PDS5B: variants seen among roughly 807,000 people sequenced by gnomAD.
PDS5B encodes PDS5 cohesin associated factor B, also known as sister chromatid cohesion protein PDS5 homolog B.
In PDS5B, 51 loss-of-function variants were observed where a neutral mutation model predicts 184.1. The ratio of observed to expected loss-of-function variants is 0.28; its 90% CI spans 0.22 to 0.35. The LOEUF (loss-of-function observed/expected upper bound fraction) is 0.35, where lower values mean the gene tolerates loss of function less well. Ranked by LOEUF, PDS5B falls within the 10% of genes least tolerant of loss-of-function variation. PDS5B has a pLI of 1.00. For synonymous variants in PDS5B, 566 were observed against 569.2 expected (o/e 0.99, Z 0.08); for missense variants, 1,180 against 1,723.3 (o/e 0.68, Z 5.58).
At chr13:32,758,424 T>C in intron 27 of PDS5B, 110 bp from the exon 28 acceptor site, 1 of 1,130,748 alleles carries the variant, frequency 8.8e-7, no homozygotes, top group Non-Finnish European at 1.3e-6. Flanking sequence ...AGACTGTTGC[T>C]TTCATTAGTT....
At position 32,651,812 on chromosome 13, in the gene PDS5B, G is replaced by A. The variant is rs770353298; in HGVS notation, c.117G>A (p.Val39=). Residue 39 remains valine (V), a synonymous_variant, in exon 3 of 35, where the codon GTG becomes GTA. Coordinates refer to ENST00000315596, the MANE Select transcript of PDS5B (RefSeq NM_015032.4). ...TTTTTATTTTTGTATAGATGGTTGT[G>A]AAAACTTTTATGGATATGGACCAGG... The part of the protein sequence containing the change: ...EEMVRRLKMV[V]KTFMDMDQDS... 6.3e-6 allele frequency: 10 copies of A among 1,599,030 alleles called. No homozygotes were observed. In the South Asian group the frequency reaches 1.0e-4, roughly 16 times the overall value.
intron 14 of PDS5B, among the ~76,000 whole-genome samples, chr13:32,695,512 A>G (rs1320901661): frequency 6.6e-6 from 1 of 151,938 alleles, no homozygotes; most frequent in African/African-American, 2.4e-5. Flanking sequence ...GGAGCTCTGT[A>G]TATTTACCTC....
intron 6 of PDS5B, among the ~76,000 whole-genome samples, chr13:32,666,375 A>T (rs973357174): frequency 6.6e-5 from 10 of 152,174 alleles, no homozygotes; most frequent in African/African-American, 2.4e-4. Context: ...CACAGTGCCC[A>T]TCCTCTTTCT....
At chr13:32,745,489 G>A (rs191141592) in intron 23 of PDS5B, among the ~76,000 whole-genome samples, 2 of 152,314 alleles carry the variant, frequency 1.3e-5, no homozygotes, top group Admixed American at 1.3e-4. Context: ...GCATAATATG[G>A]TGTTCAGTAT....
chr13:32,674,432 C>A (rs1361997461), intron 8 of PDS5B, among the ~76,000 whole-genome samples: 1 of 152,066 alleles, frequency 6.6e-6, no homozygotes, highest in African/African-American at 2.4e-5. Flanking sequence ...AATTAACTGG[C>A]CTTCCTGTCC....
chr13:32,736,385 C>G (rs532160908), intron 21 of PDS5B, among the ~76,000 whole-genome samples: 2 of 151,954 alleles, frequency 1.3e-5, no homozygotes, highest in South Asian at 4.2e-4. Flanking sequence ...TTAAAGGATG[C>G]TTTCTTTGGG....
chr13:32,701,722 A>G (rs1951868549), intron 17 of PDS5B, among the ~76,000 whole-genome samples: 1 of 152,018 alleles, frequency 6.6e-6, no homozygotes, highest in Non-Finnish European at 1.5e-5. Flanking sequence ...AGAAATTGTC[A>G]ATCTAAGCCT....
At position 32,710,120 on chromosome 13, in the gene PDS5B, A is replaced by G. The variant is rs1181005293; in HGVS notation, c.2123+14A>G. On this transcript the variant is annotated intron_variant, in intron 19 of 34. Transcript: ENST00000315596. Reference sequence around the variant, plus strand: ...ACACATCAGATCGTGAGTTGAGTTTATTTTCAAAAATATTCTGGACATCAG... The same window carrying G: ...ACACATCAGATCGTGAGTTGAGTTTGTTTTCAAAAATATTCTGGACATCAG... 8.4e-6 allele frequency: 12 copies of G among 1,423,320 alleles called. No homozygotes were observed. The highest frequency in any genetic ancestry group is 1.0e-5 in the Non-Finnish European group (11 of 1,069,112). 88.2% of individuals were successfully genotyped at this position (1,423,320 alleles called of 1,614,324 possible).
In PDS5B at chr13:32,694,216, T is replaced by G. The variant is rs1206425790; in HGVS notation, c.1470-7T>G. 1 of 1,586,982 alleles carries G rather than the reference T, an allele frequency of 6.3e-7. No homozygotes were observed. Among genetic ancestry groups the G allele is most frequent in the East Asian group, 2.3e-5 (1 of 44,310 alleles). ...GTTATTTAAATGTGTATGTTTGTGTTTTTCAGAGCATTGAATGAAATGTGG... is the reference window on the plus strand; with the variant it reads ...GTTATTTAAATGTGTATGTTTGTGTGTTTCAGAGCATTGAATGAAATGTGG... On this transcript the variant is annotated splice_region_variant and splice_polypyrimidine_tract_variant and intron_variant, in intron 13 of 34. Transcript: ENST00000315596.
chr13:32,711,336 G>C (rs1376533405), intron 19 of PDS5B, among the ~76,000 whole-genome samples: 1 of 151,820 alleles, frequency 6.6e-6, no homozygotes, highest in African/African-American at 2.4e-5. Flanking sequence ...TTTTATAACA[G>C]TCTCTCTGGC....
intron 25 of PDS5B, 89 bp downstream of exon 25, chr13:32,753,625 A>G: frequency 1.3e-6 from 1 of 770,218 alleles, no homozygotes; most frequent in East Asian, 2.7e-5. Context: ...TATTACTGTT[A>G]TTTATTATTT....
chr13:32,755,832 T>C lies in PDS5B; in HGVS notation c.2942-10T>C. 1 of 1,211,884 alleles carries C rather than the reference T, an allele frequency of 8.3e-7. No individual in the cohort carries two copies. Among genetic ancestry groups the C allele is most frequent in the Non-Finnish European group, 1.2e-6 (1 of 858,128 alleles). 75.1% of individuals were successfully genotyped at this position (1,211,884 alleles called of 1,614,324 possible). A position where few individuals can be genotyped will look rare whatever the true frequency, so the allele number is the denominator to read the frequency against. ...TTTTTTTTTGTTTGTTTGTTTGTTT[T>C]CTTTTTCAGAAAAATTATTGTCTCT... On this transcript the variant is annotated splice_polypyrimidine_tract_variant and intron_variant, in intron 25 of 34. Transcript: ENST00000315596.
intron 1 of PDS5B, among the ~76,000 whole-genome samples, chr13:32,630,599 G>A (rs1454794445): frequency 6.6e-6 from 1 of 152,086 alleles, no homozygotes; most frequent in African/African-American, 2.4e-5. Context: ...ATTGTTCTCT[G>A]GTCTTTTTTG....
chr13:32,670,725 G>C (rs967977012), intron 7 of PDS5B, among the ~76,000 whole-genome samples: 3 of 151,996 alleles, frequency 2.0e-5, no homozygotes, highest in African/African-American at 7.2e-5. Flanking sequence ...CAAATTTTAG[G>C]ATATGGCAAA....
chr13:32,621,419 A>G (rs1303255945), intron 1 of PDS5B, among the ~76,000 whole-genome samples: 2 of 152,148 alleles, frequency 1.3e-5, no homozygotes, highest in African/African-American at 4.8e-5. Flanking sequence ...GTGAGCCAGT[A>G]TTTTGCCACT....
At chr13:32,603,219 T>C (rs1391265344) in intron 1 of PDS5B, among the ~76,000 whole-genome samples, 1 of 152,250 alleles carries the variant, frequency 6.6e-6, no homozygotes, top group Non-Finnish European at 1.5e-5. Flanking sequence ...AGAGTTTTTA[T>C]GGTTTTAGGT....
Position 32,735,273 on chromosome 13 carries a change from T to C in PDS5B, c.2349T>C (p.Ala783=), listed in dbSNP as rs759501963. ...TCCTTGCACCTGATCAATTTGCTGC[T>C]CCTTTGAAATCTTTGGTAGCTACTT... The part of the protein sequence containing the change: ...IALLAPDQFA[A]PLKSLVATFI... Residue 783 remains alanine, a synonymous_variant, in exon 21 of 35, where the codon GCT becomes GCC. Transcript: ENST00000315596. 6.8e-6 allele frequency: 11 copies of C among 1,612,440 alleles called. No homozygotes were observed. The highest frequency in any genetic ancestry group is 8.5e-7 in the Non-Finnish European group (1 of 1,178,810).
intron 19 of PDS5B, among the ~76,000 whole-genome samples, chr13:32,729,303 T>A (rs1953019742): frequency 6.6e-6 from 1 of 152,208 alleles, no homozygotes; most frequent in African/African-American, 2.4e-5. Context: ...TGCATAGTAT[T>A]CCATGGTGTA....
chr13:32,643,177 A>G (rs1054239950), intron 1 of PDS5B, among the ~76,000 whole-genome samples: 17 of 152,150 alleles, frequency 1.1e-4, no homozygotes, highest in African/African-American at 4.1e-4. Context: ...GTGGAAGAGA[A>G]GCTTATCACA....
Sources: allele counts gnomAD v4.1 joint callset (sites outside exome capture counted in the v4.1 genomes callset), GRCh38; gene constraint gnomAD v4.1.1; transcripts MANE v1.5; gene names NCBI Gene and HGNC (gene_info 2026-07-23, HGNC 2026-07-21).